The following TMEM120A variants were observed in gnomAD, a reference collection of about 807,000 sequenced individuals.
TMEM120A encodes ion channel TACAN.
Under a neutral mutation model 54.3 loss-of-function variants are expected in TMEM120A, and 45 were observed. The ratio of observed to expected loss-of-function variants is 0.83; its 90% CI spans 0.65 to 1.06. The LOEUF (loss-of-function observed/expected upper bound fraction) is 1.06, where lower values mean the gene tolerates loss of function less well. Ranked by LOEUF, TMEM120A falls within the 50% of genes least tolerant of loss-of-function variation. TMEM120A has a pLI of 0.00. For synonymous variants in TMEM120A, 204 were observed against 178.5 expected (o/e 1.14, Z -1.14); for missense variants, 424 against 441.7 (o/e 0.96, Z 0.36).
Position 75,987,970 on chromosome 7 carries a change from A to G in TMEM120A, c.644T>C (p.Met215Thr), listed in dbSNP as rs782017158. The G allele has an allele frequency of 6.2e-7, 1 of 1,602,146 alleles. No homozygotes were observed. Among genetic ancestry groups the G allele is most frequent in the South Asian group, 1.1e-5 (1 of 89,262 alleles). The change falls in exon 8 of 12, where the codon ATG becomes ACG. Residue 215 changes from methionine (M) to threonine (T), a missense_variant. Transcript: ENST00000493111. ...GVMLTWPDGLMYQKFRNQFLS... is the reference protein window; with the variant it reads ...GVMLTWPDGLTYQKFRNQFLS... Reference sequence around the variant, plus strand: ...GAATTGGTTCCGGAATTTCTGGTACATGAGACCGTCGGGCCTAAGGTAAAA... The same window carrying G: ...GAATTGGTTCCGGAATTTCTGGTACGTGAGACCGTCGGGCCTAAGGTAAAA...
intron 3 of TMEM120A, 37 bp from the exon 4 acceptor site, chr7:75,989,261 G>A: frequency 7.1e-7 from 1 of 1,409,080 alleles, no homozygotes; most frequent in East Asian, 2.5e-5. Context: ...AGAAGCCCGA[G>A]TGACAGACAA....
chr7:75,991,973 G>C (rs971186059), intron 3 of TMEM120A, among the ~76,000 whole-genome samples, 171 bp downstream of exon 3: 4 of 152,208 alleles, frequency 2.6e-5, no homozygotes, highest in Non-Finnish European at 5.9e-5. Context: ...ACCTATCACA[G>C]TGAAATGTCA....
intron 1 of TMEM120A, 42 bp downstream of exon 1, chr7:75,994,448 G>A (rs1264526647): frequency 6.5e-7 from 1 of 1,526,998 alleles, no homozygotes; most frequent in Non-Finnish European, 8.9e-7. Flanking sequence ...GAGCCAGCGA[G>A]ACGCGGCTCG....
At position 75,987,160 on chromosome 7, in the gene TMEM120A, G is replaced by A; in HGVS notation, c.*12C>T. 1 of 1,584,870 alleles carries A rather than the reference G, an allele frequency of 6.3e-7. No homozygotes were observed. Among genetic ancestry groups the A allele is most frequent in the Non-Finnish European group, 8.6e-7 (1 of 1,165,984 alleles). On this transcript the variant is annotated 3_prime_UTR_variant, in exon 12 of 12. Transcript: ENST00000493111. The stretch of plus-strand genomic sequence containing the variant: ...CAGAAGCCCCTCTGGGCCGGCAGGG[G>A]AAGGCCCAGCCTCAATCCTTCTTGC...
intron 4 of TMEM120A, 27 bp downstream of exon 4, chr7:75,989,128 GGGTGGAGGTT>G: frequency 2.6e-6 from 2 of 776,156 alleles, no homozygotes; most frequent in South Asian, 1.5e-5. Flanking sequence ...AGGGGTGGAG[GGGTGGAGGTT>G]GGGGGGTGGA....
chr7:75,992,647 G>A, intron 1 of TMEM120A, 90 bp from the exon 2 acceptor site: 1 of 934,906 alleles, frequency 1.1e-6, no homozygotes, highest in Non-Finnish European at 1.6e-6. Flanking sequence ...CTCCCCCAGG[G>A]CTGCTGGGAG....
chr7:75,992,254 T>C lies in TMEM120A; in HGVS notation c.207A>G (p.Lys69=). The change falls in exon 3 of 12, where the codon AAA becomes AAG. Residue 69 remains lysine, a synonymous_variant. Coordinates refer to ENST00000493111, the MANE Select transcript of TMEM120A (RefSeq NM_031925.3). ...QELALALKKC[K]PSLPAEAEGA... Reference sequence around the variant, plus strand: ...CCTCGGCCTCTGCTGGGAGGGAGGGTTTGCATCTGCGGGTAAGGCCAGAAA... The same window carrying C: ...CCTCGGCCTCTGCTGGGAGGGAGGGCTTGCATCTGCGGGTAAGGCCAGAAA... 6.2e-7 allele frequency: 1 copy of C among 1,602,908 alleles called. No homozygotes were observed. The highest frequency in any genetic ancestry group is 8.5e-7 in the Non-Finnish European group (1 of 1,174,986).
chr7:75,990,847 C>T (rs568388699), intron 3 of TMEM120A, among the ~76,000 whole-genome samples: 1 of 145,848 alleles, frequency 6.9e-6, no homozygotes, highest in South Asian at 2.2e-4. Context: ...TGCAGTGAGC[C>T]GAGATCAAGT....
intron 2 of TMEM120A, 25 bp from the exon 3 acceptor site, chr7:75,992,285 A>G: frequency 6.3e-7 from 1 of 1,581,164 alleles, no homozygotes. Context: ...AGAAACAGTC[A>G]GGGCAAGAGG....
intron 3 of TMEM120A, among the ~76,000 whole-genome samples, chr7:75,991,467 G>A (rs916981939): frequency 5.9e-5 from 9 of 152,062 alleles, no homozygotes; most frequent in African/African-American, 1.2e-4. Flanking sequence ...GTCCGGTGGT[G>A]CGATCTCAGC....
intron 3 of TMEM120A, among the ~76,000 whole-genome samples, 165 bp from the exon 4 acceptor site, chr7:75,989,389 A>C (rs1297834844): frequency 6.8e-6 from 1 of 148,082 alleles, no homozygotes; most frequent in Non-Finnish European, 1.5e-5. Flanking sequence ...CTGCAGACCC[A>C]CTCCCTGCCA....
chr7:75,990,444 G>T lies in TMEM120A; in HGVS notation c.318-1220C>A, dbSNP rs112265454. Among the ~76,000 whole-genome samples the T allele has an allele frequency of 3.2e-3, 485 of 152,102 alleles. 3 individuals are homozygous for T. Among genetic ancestry groups the T allele is most frequent in the African/African-American group, 0.011 (459 of 41,486 alleles). On this transcript the variant is annotated intron_variant, in intron 3 of 11. Transcript: ENST00000493111. ...CCTTCTCCTGGGTCTTTCCCCTCTC[G>T]GCCCCTCTTCTCAGCAGGTGGATGT...
At position 75,989,425 on chromosome 7, in the gene TMEM120A, C is replaced by A. The variant is rs182648715; in HGVS notation, c.318-201G>T. ...TGCCCAGCCTTCCTGGCCGCCTGCT[C>A]CGGAATCCTGACCCCCGGAGGAAAC... On this transcript the variant is annotated intron_variant, in intron 3 of 11. Coordinates refer to ENST00000493111, the MANE Select transcript of TMEM120A (RefSeq NM_031925.3). Among the ~76,000 whole-genome samples the A allele has an allele frequency of 4.0e-5, 6 of 151,772 alleles. No individual in the cohort carries two copies. In the South Asian group the frequency reaches 1.0e-3, roughly 26 times the overall value.
intron 3 of TMEM120A, 30 bp downstream of exon 3, chr7:75,992,114 T>C: frequency 6.6e-7 from 1 of 1,510,090 alleles, no homozygotes; most frequent in Non-Finnish European, 9.0e-7. Flanking sequence ...GGCTGTGAAC[T>C]GAGCTGGGGG....
chr7:75,992,272 G>A lies in TMEM120A; in HGVS notation c.201-12C>T, dbSNP rs374670157. Reference sequence around the variant, plus strand: ...GGGAGGGTTTGCATCTGCGGGTAAGGCCAGAAACAGTCAGGGCAAGAGGAC... The same window carrying A: ...GGGAGGGTTTGCATCTGCGGGTAAGACCAGAAACAGTCAGGGCAAGAGGAC... On this transcript the variant is annotated splice_polypyrimidine_tract_variant and intron_variant, in intron 2 of 11. Transcript: ENST00000493111. The A allele has an allele frequency of 1.8e-5, 28 of 1,597,842 alleles. No individual in the cohort carries two copies. The highest frequency in any genetic ancestry group is 2.2e-5 in the Non-Finnish European group (26 of 1,171,724).
At position 75,987,990 on chromosome 7, in the gene TMEM120A, G is replaced by T; in HGVS notation, c.630-6C>A. 6.3e-7 allele frequency: 1 copy of T among 1,599,352 alleles called. No individual in the cohort carries two copies. The highest frequency in any genetic ancestry group is 1.1e-5 in the South Asian group (1 of 88,908). ...GGTACATGAGACCGTCGGGCCTAAG[G>T]TAAAAAGTGGAGGGCAGTGTGGGGA... is the stretch of plus-strand genomic sequence containing the variant. On this transcript the variant is annotated splice_region_variant and splice_polypyrimidine_tract_variant and intron_variant, in intron 7 of 11. Transcript: ENST00000493111.
In TMEM120A at chr7:75,987,983, G is replaced by GC. The variant is rs36003894; in HGVS notation, c.630dup (p.Pro211AlafsTer79). 6 of 1,600,016 alleles carry GC rather than the reference G, an allele frequency of 3.7e-6. No homozygotes were observed. The highest frequency in any genetic ancestry group is 5.1e-6 in the Non-Finnish European group (6 of 1,173,898). On this transcript the variant is annotated frameshift_variant and splice_region_variant, in exon 8 of 12. Coordinates refer to ENST00000493111, the MANE Select transcript of TMEM120A (RefSeq NM_031925.3). LOFTEE classifies it high-confidence loss of function. ...AATTTCTGGTACATGAGACCGTCGG[G>GC]CCTAAGGTAAAAAGTGGAGGGCAGT...
intron 3 of TMEM120A, among the ~76,000 whole-genome samples, chr7:75,989,887 A>ACC (rs1450408632): frequency 6.6e-6 from 1 of 151,818 alleles, no homozygotes; most frequent in East Asian, 1.9e-4. Context: ...CAGCCTCCAC[A>ACC]CCCACCAACT....
intron 1 of TMEM120A, among the ~76,000 whole-genome samples, chr7:75,993,103 A>T: frequency 6.6e-6 from 1 of 152,112 alleles, no homozygotes; most frequent in African/African-American, 2.4e-5. Context: ...CACCCAGCCA[A>T]GGTTTTCTTA....
Sources: allele counts gnomAD v4.1 joint callset (sites outside exome capture counted in the v4.1 genomes callset), GRCh38; gene constraint gnomAD v4.1.1; transcripts MANE v1.5; gene names NCBI Gene and HGNC (gene_info 2026-07-23, HGNC 2026-07-21).